RNMT: variants seen among roughly 807,000 people sequenced by gnomAD.
RNMT encodes mRNA cap guanine-N(7) methyltransferase.
Under a neutral mutation model 56.0 loss-of-function variants are expected in RNMT, and 27 were observed. The observed-to-expected ratio is 0.48, with a 90% CI of 0.36 to 0.67. The LOEUF is 0.67. Ranked by LOEUF, RNMT falls within the 30% of genes least tolerant of loss-of-function variation. The probability of loss-of-function intolerance (pLI) is 0.00; values close to 1 mark genes in which losing one functional copy is unlikely to be tolerated. For missense variants in RNMT, 519 were observed against 552.1 expected (o/e 0.94, Z 0.60); for synonymous variants, 184 against 176.2 (o/e 1.04, Z -0.35).
chr18:13,746,232 G>T lies in RNMT; in HGVS notation c.1152G>T (p.Lys384Asn). 2 of 1,493,116 alleles carry T rather than the reference G, an allele frequency of 1.3e-6. No individual in the cohort carries two copies. Among genetic ancestry groups the T allele is most frequent in the Non-Finnish European group, 9.2e-7 (1 of 1,087,744 alleles). The allele number at this position is 1,493,116 out of a possible 1,614,324, so 92.5% of individuals were successfully genotyped here. Reference protein sequence around the residue: ...YFPLLNEMAKKYNMKLVYKKT... With the variant: ...YFPLLNEMAKNYNMKLVYKKT... Reference sequence around the variant, plus strand: ...CTTTTTTGGACAGAATGGCAAAGAAGTACAATATGAAACTAGTCTACAAAA... The same window carrying T: ...CTTTTTTGGACAGAATGGCAAAGAATTACAATATGAAACTAGTCTACAAAA... Residue 384 changes from lysine (K) to asparagine (N), a missense_variant, in exon 9 of 12, where the codon AAG becomes AAT. Coordinates refer to ENST00000383314, the MANE Select transcript of RNMT (RefSeq NM_003799.3).
rs1194966153 is a variant in RNMT, at chr18:13,763,780, C to T, written c.*3801C>T. On this transcript the variant is annotated 3_prime_UTR_variant, in exon 12 of 12. Coordinates refer to ENST00000383314, the MANE Select transcript of RNMT (RefSeq NM_003799.3). ...CCTCCAAGTGCTTGTTATATACCTC[C>T]ACGGGTGTCAGCCCAGATGACTCCT... is the stretch of plus-strand genomic sequence containing the variant. The T allele has an allele frequency of 1.3e-5, 2 of 152,516 alleles. No individual in the cohort carries two copies. Among genetic ancestry groups the T allele is most frequent in the African/African-American group, 4.8e-5 (2 of 41,458 alleles). The allele number at this position is 152,516 out of a possible 1,614,324, so 9.4% of individuals were successfully genotyped here. A position where few individuals can be genotyped will look rare whatever the true frequency, so the allele number is the denominator to read the frequency against.
At chr18:13,743,337 TAAATA>T (rs2044288346) in intron 8 of RNMT, among the ~76,000 whole-genome samples, 1 of 10,436 alleles carries the variant, frequency 9.6e-5, no homozygotes, top group Non-Finnish European at 3.4e-4. Flanking sequence ...AAAAAATAAA[TAAATA>T]AATAAATAAA....
At position 13,761,926 on chromosome 18, in the gene RNMT, A is replaced by C; in HGVS notation, c.*1947A>C. On this transcript the variant is annotated 3_prime_UTR_variant, in exon 12 of 12. Coordinates refer to ENST00000383314, the MANE Select transcript of RNMT (RefSeq NM_003799.3). ...TATTGACTTAAGAACTGTTAGGAAG[A>C]GGACTAGAAAAGGCTTCCCCTGCCT... 1 of 1,409,692 alleles carries C rather than the reference A, an allele frequency of 7.1e-7. No individual in the cohort carries two copies. Among genetic ancestry groups the C allele is most frequent in the Non-Finnish European group, 9.3e-7 (1 of 1,078,346 alleles). 87.3% of individuals were successfully genotyped at this position (1,409,692 alleles called of 1,614,324 possible).
chr18:13,754,562 C>G (rs1414237267), intron 11 of RNMT, among the ~76,000 whole-genome samples: 1 of 152,210 alleles, frequency 6.6e-6, no homozygotes, highest in African/African-American at 2.4e-5. Context: ...TGTGTTTACA[C>G]ACACACACAA....
chr18:13,752,236 C>G, intron 9 of RNMT, 90 bp from the exon 10 acceptor site: 2 of 746,964 alleles, frequency 2.7e-6, no homozygotes, highest in East Asian at 5.2e-5. Context: ...GGATTATTCT[C>G]CTAATTATGT....
chr18:13,747,833 GGAA>G (rs370567257), intron 9 of RNMT, among the ~76,000 whole-genome samples: 40 of 152,190 alleles, frequency 2.6e-4, no homozygotes, highest in African/African-American at 9.4e-4. Flanking sequence ...TTTGTCTTAA[GGAA>G]GAGGAGAAAA....
At position 13,747,090 on chromosome 18, in the gene RNMT, C is replaced by G. The variant is rs908979342; in HGVS notation, c.1257+753C>G. On this transcript the variant is annotated intron_variant, in intron 9 of 11. Coordinates refer to ENST00000383314, the MANE Select transcript of RNMT (RefSeq NM_003799.3). ...TATTGATCAGTAGAATCATATTCATCAAATGGACATTAAACTTCCTTAGAG... is the reference window on the plus strand; with the variant it reads ...TATTGATCAGTAGAATCATATTCATGAAATGGACATTAAACTTCCTTAGAG... Among the ~76,000 whole-genome samples, 88 of 152,180 alleles carry G rather than the reference C, an allele frequency of 5.8e-4. 2 individuals carry two copies.
At chr18:13,727,545 A>G (rs1475275024) in intron 1 of RNMT, among the ~76,000 whole-genome samples, 1 of 152,232 alleles carries the variant, frequency 6.6e-6, no homozygotes, top group Non-Finnish European at 1.5e-5. Flanking sequence ...ATGTGTAACG[A>G]CTAAATCAGG....
At chr18:13,734,892 G>A (rs2044133296) in intron 4 of RNMT, among the ~76,000 whole-genome samples, 1 of 152,074 alleles carries the variant, frequency 6.6e-6, no homozygotes, top group Non-Finnish European at 1.5e-5. Context: ...TAAACATTCA[G>A]GTTTCATTAA....
intron 9 of RNMT, among the ~76,000 whole-genome samples, chr18:13,746,538 T>G (rs554548192): frequency 6.6e-6 from 1 of 152,358 alleles, no homozygotes; most frequent in East Asian, 1.9e-4. Context: ...TGTTACCAAA[T>G]TCTGTTTTCT....
intron 5 of RNMT, 55 bp downstream of exon 5, chr18:13,737,190 TAAG>T: frequency 1.4e-6 from 2 of 1,466,112 alleles, no homozygotes; most frequent in South Asian, 1.2e-5. Context: ...AAATGGAAAA[TAAG>T]AAGGATTGTC....
intron 1 of RNMT, among the ~76,000 whole-genome samples, chr18:13,728,428 C>T (rs1211687750): frequency 1.4e-5 from 2 of 148,076 alleles, no homozygotes; most frequent in Admixed American, 6.9e-5. Context: ...CTCCACCTCC[C>T]GGGTTCAAGC....
chr18:13,743,342 AAAT>A lies in RNMT; in HGVS notation c.1139+693_1139+695del, dbSNP rs1469218881. On this transcript the variant is annotated intron_variant, in intron 8 of 11. Coordinates refer to ENST00000383314, the MANE Select transcript of RNMT (RefSeq NM_003799.3). ...CGTCTCAAAAAAAAAATAAATAAAT[AAAT>A]AAATAAATAAATAAATAAATAAATA... is the stretch of plus-strand genomic sequence containing the variant. Among the ~76,000 whole-genome samples, 20 of 91,096 alleles carry A rather than the reference AAAT, an allele frequency of 2.2e-4. 3 individuals carry two copies. The highest frequency in any genetic ancestry group is 7.7e-4 in the African/African-American group (20 of 25,886). The allele number at this position is 91,096 out of a possible 152,430, so 59.8% of individuals were successfully genotyped here.
chr18:13,728,231 C>T (rs1234768745), intron 1 of RNMT, among the ~76,000 whole-genome samples: 1 of 150,520 alleles, frequency 6.6e-6, no homozygotes, highest in African/African-American at 2.4e-5. Flanking sequence ...AGTGGCTGTG[C>T]TAATTTACGT....
At chr18:13,735,256 T>C (rs1279735218) in intron 4 of RNMT, among the ~76,000 whole-genome samples, 1 of 152,192 alleles carries the variant, frequency 6.6e-6, no homozygotes, top group Non-Finnish European at 1.5e-5. Context: ...TGAGAATGCT[T>C]TCTTAATTAT....
At chr18:13,744,769 C>T (rs2044325489) in intron 8 of RNMT, among the ~76,000 whole-genome samples, 1 of 152,158 alleles carries the variant, frequency 6.6e-6, no homozygotes, top group Non-Finnish European at 1.5e-5. Flanking sequence ...GTACACGAGC[C>T]TTCCCACCTA....
intron 10 of RNMT, among the ~76,000 whole-genome samples, chr18:13,753,430 A>G (rs1335538963): frequency 7.3e-6 from 1 of 137,030 alleles, no homozygotes; most frequent in African/African-American, 2.8e-5. Context: ...GCAGCACTGC[A>G]CTCCAGCCTG....
intron 5 of RNMT, among the ~76,000 whole-genome samples, chr18:13,737,544 A>G (rs1271986076): frequency 6.8e-6 from 1 of 147,918 alleles, no homozygotes. Flanking sequence ...CTCCGTCTCG[A>G]AAAAAAAAAA....
At chr18:13,733,683 C>T (rs1485734071) in intron 3 of RNMT, among the ~76,000 whole-genome samples, 2 of 152,152 alleles carry the variant, frequency 1.3e-5, no homozygotes, top group Non-Finnish European at 1.5e-5. Flanking sequence ...CAGGCCTAAT[C>T]TCTTTATATA....
Sources: gnomAD v4.1 joint callset for allele counts (sites outside exome capture counted in the v4.1 genomes callset) on GRCh38, gnomAD v4.1.1 for gene constraint, MANE v1.5 for transcripts, NCBI Gene and HGNC (gene_info 2026-07-23, HGNC 2026-07-21) for gene names.